OR6J1: variants seen among roughly 807,000 people sequenced by gnomAD.
The protein encoded by OR6J1 is olfactory receptor family 6 subfamily J member 1, also known as olfactory receptor 6J1.
For synonymous variants in OR6J1, 109 were observed against 70.0 expected, an observed-to-expected ratio of 1.56 and a Z score of -2.78; for missense variants, 304 against 166.8, an observed-to-expected ratio of 1.82 and a Z score of -4.53.
At chr14:22,638,984 G>A (rs1230139709) in intron 1 of OR6J1, among the ~76,000 whole-genome samples, 1 of 114,198 alleles carries the variant, frequency 8.8e-6, no homozygotes, top group East Asian at 2.2e-4. Flanking sequence ...CGCCCCATCT[G>A]GGATGTGAGG....
At chr14:22,637,124 A>G (rs2037594720) in intron 1 of OR6J1, among the ~76,000 whole-genome samples, 2 of 114,940 alleles carry the variant, frequency 1.7e-5, no homozygotes, top group Admixed American at 7.5e-5. Context: ...AGAGGTGAGG[A>G]GCGTCTCTGC....
chr14:22,643,754 C>CAGAGAG (rs1594904768), intron 1 of OR6J1, among the ~76,000 whole-genome samples: 57 of 93,126 alleles, frequency 6.1e-4, no homozygotes, highest in African/African-American at 7.2e-4. Context: ...CACACACACA[C>CAGAGAG]ACACACACAC....
chr14:22,633,376 A>T lies in OR6J1; in HGVS notation c.*392T>A, dbSNP rs970953991. 5.1e-5 allele frequency: 9 copies of T among 174,976 alleles called. No individual in the cohort carries two copies. The highest frequency in any genetic ancestry group is 1.1e-4 in the Non-Finnish European group (9 of 82,306). 10.8% of individuals were successfully genotyped at this position (174,976 alleles called of 1,614,324 possible). On this transcript the variant is annotated 3_prime_UTR_variant, in exon 2 of 2. Coordinates refer to ENST00000540461, the MANE Select transcript of OR6J1 (RefSeq NM_001348233.2). ...TTAGAGAATAATGAAGGTTATTTCT[A>T]AAAAGATCCTGCAGAGGATGGAAAG...
chr14:22,631,084 A>C lies in OR6J1; in HGVS notation c.*2684T>G, dbSNP rs1322172866. 3 of 152,330 alleles carry C rather than the reference A, an allele frequency of 2.0e-5. No homozygotes were observed. In the East Asian group the frequency reaches 5.8e-4, roughly 29 times the overall value. The allele number at this position is 152,330 out of a possible 1,614,324, so 9.4% of individuals were successfully genotyped here. A position where few individuals can be genotyped will look rare whatever the true frequency, so the allele number is the denominator to read the frequency against. On this transcript the variant is annotated 3_prime_UTR_variant, in exon 2 of 2. Coordinates refer to ENST00000540461, the MANE Select transcript of OR6J1 (RefSeq NM_001348233.2). ...GGGTCACAGAGGTCACGTACTTTACAAAGTAATAGAATATCACAAGGCAAA... is the reference window on the plus strand; with the variant it reads ...GGGTCACAGAGGTCACGTACTTTACCAAGTAATAGAATATCACAAGGCAAA...
rs2037562427 is a variant in OR6J1, at chr14:22,633,691, G to GCAGTCAGTCTTTC, written c.*64_*76dup. On this transcript the variant is annotated 3_prime_UTR_variant, in exon 2 of 2. Coordinates refer to ENST00000540461, the MANE Select transcript of OR6J1 (RefSeq NM_001348233.2). Reference sequence around the variant, plus strand: ...GGCCAGCGTTCAAGTCTCTGTCTCCGCAGTCAGTCTTTCCACTATAGACTA... The same window carrying GCAGTCAGTCTTTC: ...GGCCAGCGTTCAAGTCTCTGTCTCCGCAGTCAGTCTTTCCAGTCAGTCTTTCCACTATAGACTA... The GCAGTCAGTCTTTC allele has an allele frequency of 3.3e-6, 2 of 601,714 alleles. No homozygotes were observed. Among genetic ancestry groups the GCAGTCAGTCTTTC allele is most frequent in the South Asian group, 4.0e-5 (2 of 50,136 alleles). 37.3% of individuals were successfully genotyped at this position (601,714 alleles called of 1,614,324 possible). A position where few individuals can be genotyped will look rare whatever the true frequency, so the allele number is the denominator to read the frequency against.
intron 1 of OR6J1, among the ~76,000 whole-genome samples, chr14:22,638,670 A>T (rs1411813085): frequency 0.093 from 4,974 of 53,412 alleles, 1,360 homozygotes; most frequent in African/African-American, 0.46. Context: ...AAAATAAAAA[A>T]AAAATAAAAA....
At chr14:22,639,152 A>G (rs2037621358) in intron 1 of OR6J1, among the ~76,000 whole-genome samples, 3 of 101,968 alleles carry the variant, frequency 2.9e-5, no homozygotes, top group Non-Finnish European at 1.9e-5. Flanking sequence ...AGAAGTGAGG[A>G]GCCTCTCCGC....
rs1411764340 is a variant in OR6J1 at position 22,634,028 on chromosome 14, AG to A, written c.783del (p.Ser262ProfsTer15). ...TTGATCTCCAGATATTCTTTCTGGGAGGGAGTCACATAGATAAACACAGTGA... is the reference window on the plus strand; with the variant it reads ...TTGATCTCCAGATATTCTTTCTGGGAGGAGTCACATAGATAAACACAGTGA... ...SGITVFIYVT[P>X]SQKEYLEINK... On this transcript the variant is annotated frameshift_variant, in exon 2 of 2. Transcript: ENST00000540461. LOFTEE classifies it low-confidence loss of function (END_TRUNC). 1.1e-5 allele frequency: 8 copies of A among 702,868 alleles called. 1 individual carries two copies. In the South Asian group the frequency reaches 1.2e-4, roughly 10 times the overall value. The allele number at this position is 702,868 out of a possible 1,614,324, so 43.5% of individuals were successfully genotyped here. A position where few individuals can be genotyped will look rare whatever the true frequency, so the allele number is the denominator to read the frequency against.
At position 22,631,266 on chromosome 14, in the gene OR6J1, T is replaced by C. The variant is rs150950364; in HGVS notation, c.*2502A>G. The C allele has an allele frequency of 0.23, 34,115 of 150,192 alleles. 4,478 individuals carry two copies. The highest frequency in any genetic ancestry group is 0.32 in the African/African-American group (13,139 of 40,886). The allele number at this position is 150,192 out of a possible 1,614,324, so 9.3% of individuals were successfully genotyped here. A position where few individuals can be genotyped will look rare whatever the true frequency, so the allele number is the denominator to read the frequency against. On this transcript the variant is annotated 3_prime_UTR_variant, in exon 2 of 2. Coordinates refer to ENST00000540461, the MANE Select transcript of OR6J1 (RefSeq NM_001348233.2). ...AATTTATTAGGTGGAAATTTCCTCT[T>C]CCTAATAAGCCTGGGAGCGCTATGG...
chr14:22,630,973 A>T lies in OR6J1; in HGVS notation c.*2795T>A, dbSNP rs1279531410. 6.6e-6 allele frequency: 1 copy of T among 152,174 alleles called. No individual in the cohort carries two copies. The highest frequency in any genetic ancestry group is 1.5e-5 in the Non-Finnish European group (1 of 68,028). The allele number at this position is 152,174 out of a possible 1,614,324, so 9.4% of individuals were successfully genotyped here. On this transcript the variant is annotated 3_prime_UTR_variant, in exon 2 of 2. Coordinates refer to ENST00000540461, the MANE Select transcript of OR6J1 (RefSeq NM_001348233.2). ...GCCGGGGGAGACATCACATGTCACT[A>T]GGTTCCATGATGCCCCCCAAGCCAC...
chr14:22,638,673 AATAAAAAAAATT>A (rs2037615625), intron 1 of OR6J1, among the ~76,000 whole-genome samples: 3 of 50,212 alleles, frequency 6.0e-5, no homozygotes, highest in African/African-American at 6.0e-4. Flanking sequence ...ATAAAAAAAA[AATAAAAAAAATT>A]AAGACACTAG....
chr14:22,634,827 G>A lies in OR6J1; in HGVS notation c.-16C>T, dbSNP rs1271389380. 1 of 663,122 alleles carries A rather than the reference G, an allele frequency of 1.5e-6. No individual in the cohort carries two copies. The highest frequency in any genetic ancestry group is 2.7e-5 in the East Asian group (1 of 37,056). The allele number at this position is 663,122 out of a possible 1,614,324, so 41.1% of individuals were successfully genotyped here. ...AGTTACCCATGGGCCTGGTGGGCCT[G>A]GCTCAATTCTCCTAACAGAACAAAG... is the stretch of plus-strand genomic sequence containing the variant. On this transcript the variant is annotated 5_prime_UTR_variant, in exon 2 of 2. Transcript: ENST00000540461.
At position 22,634,168 on chromosome 14, in the gene OR6J1, T is replaced by A; in HGVS notation, c.644A>T (p.Tyr215Phe). 2.8e-6 allele frequency: 2 copies of A among 703,442 alleles called. No individual in the cohort carries two copies. Among genetic ancestry groups the A allele is most frequent in the Non-Finnish European group, 5.2e-6 (2 of 384,984 alleles). 43.6% of individuals were successfully genotyped at this position (703,442 alleles called of 1,614,324 possible). The change falls in exon 2 of 2, where the codon TAT (tyrosine) becomes TTT (phenylalanine). Residue 215 changes from tyrosine to phenylalanine, a missense_variant. Tyr to Phe is a conservative substitution (Grantham distance 22). Coordinates refer to ENST00000540461, the MANE Select transcript of OR6J1 (RefSeq NM_001348233.2). ...GGTCAAGATGATGTACGTATAGGAA[T>A]AGGCCACGAGGACTATGCAGCAGAG... ...VILCCIVLVA[Y>F]SYTYIILTIV...
intron 1 of OR6J1, among the ~76,000 whole-genome samples, chr14:22,636,539 TGCCTGCGATTGCAGGCGCAC>T (rs1377694326): frequency 1.8e-5 from 2 of 112,388 alleles, no homozygotes; most frequent in Non-Finnish European, 3.4e-5. Flanking sequence ...GCCTGCTGAG[TGCCTGCGATTGCAGGCGCAC>T]GCCGCCACGC....
At chr14:22,641,953 C>G (rs1023411128) in intron 1 of OR6J1, among the ~76,000 whole-genome samples, 3 of 152,046 alleles carry the variant, frequency 2.0e-5, no homozygotes, top group Non-Finnish European at 4.4e-5. Context: ...CACGTAATTA[C>G]CAGTGACTAA....
chr14:22,643,752 CACACACACACACAGAGAGAG>C (rs1371196368), intron 1 of OR6J1, among the ~76,000 whole-genome samples: 36 of 107,280 alleles, frequency 3.4e-4, no homozygotes, highest in African/African-American at 1.3e-3. Flanking sequence ...CACACACACA[CACACACACACACAGAGAGAG>C]AGAGAGAGAG....
intron 1 of OR6J1, among the ~76,000 whole-genome samples, chr14:22,636,849 T>C (rs1488479648): frequency 8.6e-6 from 1 of 116,874 alleles, no homozygotes; most frequent in Non-Finnish European, 1.7e-5. Flanking sequence ...GTCTGGGAAG[T>C]GAGGAGCGTC....
intron 1 of OR6J1, among the ~76,000 whole-genome samples, chr14:22,637,965 G>A (rs1222673908): frequency 1.1e-5 from 1 of 94,846 alleles, no homozygotes; most frequent in East Asian, 2.8e-4. Flanking sequence ...CCTCTGCCCG[G>A]CCGCCCCTAC....
intron 1 of OR6J1, among the ~76,000 whole-genome samples, chr14:22,641,476 A>AAAGG (rs1196060745): frequency 1.0e-4 from 3 of 29,226 alleles, no homozygotes; most frequent in East Asian, 4.3e-3. Context: ...AAAAAGAAAG[A>AAAGG]AAGGAAGGAA....
Sources: gnomAD v4.1 joint callset for allele counts (sites outside exome capture counted in the v4.1 genomes callset) on GRCh38, gnomAD v4.1.1 for gene constraint, MANE v1.5 for transcripts, NCBI Gene and HGNC (gene_info 2026-07-23, HGNC 2026-07-21) for gene names.